The following PPARGC1B variants were observed in gnomAD, a reference collection of about 807,000 sequenced individuals.
The protein encoded by PPARGC1B is PPARG coactivator 1 beta.
In PPARGC1B, 34 loss-of-function variants were observed where a neutral mutation model predicts 101.6. That is an observed-to-expected ratio of 0.33 (90% CI 0.25 to 0.45). The LOEUF (loss-of-function observed/expected upper bound fraction) is 0.45, where lower values mean the gene tolerates loss of function less well. Among genes scored for constraint, PPARGC1B ranks in the 20% least tolerant of loss-of-function variants. The pLI is 1.00. For synonymous variants in PPARGC1B, 548 were observed against 539.3 expected (o/e 1.02, Z -0.22); for missense variants, 1,234 against 1,317.6 (o/e 0.94, Z 0.98).
At chr5:149,753,899 G>A (rs151024694) in intron 1 of PPARGC1B, among the ~76,000 whole-genome samples, 2,390 of 152,102 alleles carry the variant, frequency 0.016, 80 homozygotes, top group African/African-American at 0.055. Flanking sequence ...TTGCCATGTT[G>A]GCCAGGCTGG....
intron 1 of PPARGC1B, among the ~76,000 whole-genome samples, chr5:149,761,005 C>T (rs916242639): frequency 6.6e-6 from 1 of 152,198 alleles, no homozygotes; most frequent in Non-Finnish European, 1.5e-5. Context: ...TTCAGTGATG[C>T]TGGCAGGCAT....
chr5:149,827,191 T>C (rs1225457436), intron 3 of PPARGC1B, among the ~76,000 whole-genome samples: 3 of 152,322 alleles, frequency 2.0e-5, no homozygotes, highest in African/African-American at 7.2e-5. Context: ...TTCCTGAAGA[T>C]TGCACACACA....
intron 9 of PPARGC1B, among the ~76,000 whole-genome samples, chr5:149,840,420 G>A (rs1479043371): frequency 1.3e-5 from 2 of 152,152 alleles, no homozygotes; most frequent in East Asian, 1.9e-4. Context: ...CCAAGTGGGC[G>A]GGCTGTGGTA....
At chr5:149,799,690 G>GTTTTTTTTTTTTTTTTTTTTTT (rs369350284) in intron 1 of PPARGC1B, among the ~76,000 whole-genome samples, 5 of 65,048 alleles carry the variant, frequency 7.7e-5, no homozygotes, top group African/African-American at 2.1e-4. Flanking sequence ...TTTGCTTGTT[G>GTTTTTTTTTTTTTTTTTTTTTT]TTGTTTTTTT....
At position 149,854,114 on chromosome 5, in the gene PPARGC1B, T is replaced by G. The variant is rs1759872226; in HGVS notation, c.*6556T>G. The G allele has an allele frequency of 6.6e-6, 1 of 152,140 alleles. No homozygotes were observed. Among genetic ancestry groups the G allele is most frequent in the African/African-American group, 2.4e-5 (1 of 41,408 alleles). 9.4% of individuals were successfully genotyped at this position (152,140 alleles called of 1,614,324 possible). On this transcript the variant is annotated 3_prime_UTR_variant, in exon 12 of 12. Transcript: ENST00000309241. The stretch of plus-strand genomic sequence containing the variant: ...GCATTTCCAAATCTTGGACTCAAAT[T>G]ATTTTCTCTTGGTGTGACCACACAG...
chr5:149,746,228 T>A (rs1755084282), intron 1 of PPARGC1B, among the ~76,000 whole-genome samples: 2 of 152,240 alleles, frequency 1.3e-5, no homozygotes, highest in South Asian at 4.1e-4. Context: ...GGCATTGCCA[T>A]GGCTTGCTGC....
At chr5:149,749,141 C>A (rs187988209) in intron 1 of PPARGC1B, among the ~76,000 whole-genome samples, 251 of 152,262 alleles carry the variant, frequency 1.6e-3, no homozygotes, top group African/African-American at 5.6e-3. Flanking sequence ...GGGCCAGGCA[C>A]CACAGAACCA....
chr5:149,821,649 G>A (rs529315019), intron 2 of PPARGC1B, among the ~76,000 whole-genome samples: 8 of 152,118 alleles, frequency 5.3e-5, no homozygotes, highest in East Asian at 3.8e-4. Context: ...GTGGTGTGCC[G>A]CAAGCGTCCT....
chr5:149,796,970 G>A (rs1757241916), intron 1 of PPARGC1B, among the ~76,000 whole-genome samples: 1 of 152,184 alleles, frequency 6.6e-6, no homozygotes, highest in Admixed American at 6.5e-5. Context: ...GTTTTGCTCC[G>A]AGACAGCCTG....
intron 1 of PPARGC1B, among the ~76,000 whole-genome samples, chr5:149,788,990 G>C (rs1756910159): frequency 6.6e-6 from 1 of 152,100 alleles, no homozygotes; most frequent in Non-Finnish European, 1.5e-5. Flanking sequence ...ACGAGTTAAT[G>C]GGGGGTGCAG....
intron 1 of PPARGC1B, among the ~76,000 whole-genome samples, chr5:149,802,315 T>C (rs192942960): frequency 5.3e-5 from 8 of 152,300 alleles, no homozygotes; most frequent in African/African-American, 1.4e-4. Context: ...CAGCACTCAA[T>C]TTGCGACGTG....
In PPARGC1B at chr5:149,771,005, C is replaced by T. The variant is rs531548041; in HGVS notation, c.78+40585C>T. Among the ~76,000 whole-genome samples the T allele has an allele frequency of 9.2e-5, 14 of 152,234 alleles. No individual in the cohort carries two copies. The East Asian group carries it at 2.5e-3, about 27-fold the overall frequency. On this transcript the variant is annotated intron_variant, in intron 1 of 11. Transcript: ENST00000309241. ...TATGTGGGTGGGGCTACTCTGCAGA[C>T]GAGGACCTCAGGCTTTGAAGGCCCC...
chr5:149,820,680 C>T (rs888469975), intron 2 of PPARGC1B, 74 bp downstream of exon 2: 4 of 1,426,222 alleles, frequency 2.8e-6, no homozygotes, highest in African/African-American at 2.8e-5. Flanking sequence ...CTCTGCCCTG[C>T]TCTGCCTTCT....
At chr5:149,743,740 C>A (rs932806567) in intron 1 of PPARGC1B, among the ~76,000 whole-genome samples, 1 of 152,138 alleles carries the variant, frequency 6.6e-6, no homozygotes, top group Non-Finnish European at 1.5e-5. Context: ...GAGTCACCTG[C>A]CCTTGTCACC....
intron 1 of PPARGC1B, among the ~76,000 whole-genome samples, chr5:149,803,717 C>A (rs1178885046): frequency 6.6e-6 from 1 of 152,130 alleles, no homozygotes; most frequent in Non-Finnish European, 1.5e-5. Context: ...GCAGTGCCAC[C>A]CCCACCCCAG....
Position 149,832,926 on chromosome 5 carries a change from C to A in PPARGC1B, c.853C>A (p.Gln285Lys). ...TGCCCCGGTTTCCCAGGAAGACATGCAGGCGATGGTGCAACTCATACGCTA... is the reference window on the plus strand; with the variant it reads ...TGCCCCGGTTTCCCAGGAAGACATGAAGGCGATGGTGCAACTCATACGCTA... ...PGAPVSQEDM[Q>K]AMVQLIRYMH... Residue 285 changes from glutamine (Q) to lysine (K), a missense_variant, in exon 5 of 12, where the codon CAG becomes AAG. Physicochemically the swap from Gln to Lys is moderately conservative, Grantham distance 53. This residue lies in a region of PPARGC1B where 734 missense variants were observed against 768.4 expected (regional missense o/e 0.96). Transcript: ENST00000309241. This position sits in a 1 kb window ranked among gnomAD's most constrained non-coding sequence, Gnocchi z 4.9. 6.2e-7 allele frequency: 1 copy of A among 1,613,214 alleles called. No homozygotes were observed.
chr5:149,799,693 G>GTTGTT (rs752427488), intron 1 of PPARGC1B, among the ~76,000 whole-genome samples: 16 of 76,480 alleles, frequency 2.1e-4, no homozygotes, highest in African/African-American at 8.5e-4. Flanking sequence ...GCTTGTTGTT[G>GTTGTT]TTTTTTTTTT....
At chr5:149,804,648 C>A (rs774046721) in intron 1 of PPARGC1B, among the ~76,000 whole-genome samples, 6 of 152,118 alleles carry the variant, frequency 3.9e-5, no homozygotes. Context: ...CCAGCTGGGG[C>A]GACAGAGTGA....
intron 8 of PPARGC1B, 37 bp from the exon 9 acceptor site, chr5:149,840,004 G>A (rs376604036): frequency 8.3e-5 from 134 of 1,607,258 alleles, no homozygotes; most frequent in Admixed American, 1.7e-4. Flanking sequence ...GGTATCTCCC[G>A]AGAGTGAGTG....
Sources: gnomAD v4.1 joint callset for allele counts (sites outside exome capture counted in the v4.1 genomes callset) on GRCh38, gnomAD v4.1.1 for gene constraint, gnomAD v4.1.1 regional missense constraint, Gnocchi (gnomAD v3.1) non-coding constraint, MANE v1.5 for transcripts, NCBI Gene and HGNC (gene_info 2026-07-23, HGNC 2026-07-21) for gene names.